The following MAP4K3 variants were observed in gnomAD, a reference collection of about 807,000 sequenced individuals.
The protein encoded by MAP4K3 is mitogen-activated protein kinase kinase kinase kinase 3, also known as MAPK/ERK kinase kinase kinase 3.
In MAP4K3, 94 loss-of-function variants were observed where a neutral mutation model predicts 143.5. The ratio of observed to expected loss-of-function variants is 0.65; its 90% CI spans 0.55 to 0.78. MAP4K3 has a LOEUF of 0.78. Among genes scored for constraint, MAP4K3 ranks in the 30% least tolerant of loss-of-function variants. MAP4K3 has a pLI of 0.00. For missense variants in MAP4K3, 1,077 were observed against 1,068.1 expected, an observed-to-expected ratio of 1.01 and a Z score of -0.12; for synonymous variants, 416 against 347.2, an observed-to-expected ratio of 1.20 and a Z score of -2.20.
intron 15 of MAP4K3, among the ~76,000 whole-genome samples, chr2:39,300,017 A>G (rs2148488692): frequency 6.6e-6 from 1 of 152,244 alleles, no homozygotes; most frequent in East Asian, 1.9e-4. Context: ...TTTTCTGAAT[A>G]ATATATGCAA....
intron 1 of MAP4K3, among the ~76,000 whole-genome samples, chr2:39,414,108 A>G (rs1667303914): frequency 6.6e-6 from 1 of 152,162 alleles, no homozygotes; most frequent in African/African-American, 2.4e-5. Flanking sequence ...CTCTGTCTTG[A>G]TACTTTACAA....
intron 3 of MAP4K3, among the ~76,000 whole-genome samples, chr2:39,351,796 G>A (rs1487878055): frequency 6.6e-6 from 1 of 152,102 alleles, no homozygotes; most frequent in Non-Finnish European, 1.5e-5. Flanking sequence ...AGCCTCCCTA[G>A]TAGCTGGGAC....
chr2:39,391,378 A>AAAAAAG (rs1553423384), intron 1 of MAP4K3, among the ~76,000 whole-genome samples: 2 of 146,920 alleles, frequency 1.4e-5, no homozygotes, highest in African/African-American at 2.6e-5. Flanking sequence ...AAAAAAAAAA[A>AAAAAAG]AAAGAAAGAA....
At chr2:39,351,017 T>TAGCATTTACAC (rs1665442280) in intron 3 of MAP4K3, among the ~76,000 whole-genome samples, 1 of 152,310 alleles carries the variant, frequency 6.6e-6, no homozygotes, top group South Asian at 2.1e-4. Flanking sequence ...ACTATTTACA[T>TAGCATTTACAC]AGCATTTACA....
chr2:39,403,558 G>A (rs1281351308), intron 1 of MAP4K3, among the ~76,000 whole-genome samples: 4 of 152,090 alleles, frequency 2.6e-5, no homozygotes, highest in Admixed American at 2.6e-4. Context: ...TAGCCAGAAG[G>A]GAAGTGCCTG....
rs115529245 is a variant in MAP4K3, at chr2:39,349,339, C to T, written c.246-5887G>A. 3.5e-3 allele frequency among the ~76,000 whole-genome samples: 529 copies of T among 152,228 alleles called. 2 individuals are homozygous for T. Among genetic ancestry groups the T allele is most frequent in the Admixed American group, 7.3e-3 (111 of 15,292 alleles). On this transcript the variant is annotated intron_variant, in intron 3 of 33. Transcript: ENST00000263881. ...TTTATTTATAGGTAACCTATACCAT[C>T]TGCTTTCCCTTTAATAAGGAGGGGT...
intron 33 of MAP4K3, 22 bp from the exon 34 acceptor site, chr2:39,250,727 T>A: frequency 6.3e-7 from 1 of 1,595,684 alleles, no homozygotes. Flanking sequence ...AAAAAACATA[T>A]AACAAAACAA....
intron 8 of MAP4K3, among the ~76,000 whole-genome samples, chr2:39,327,332 T>G (rs1683526871): frequency 6.6e-6 from 1 of 152,204 alleles, no homozygotes; most frequent in Admixed American, 6.5e-5. Flanking sequence ...AAAACAAGTG[T>G]CTACTTTTAA....
intron 14 of MAP4K3, among the ~76,000 whole-genome samples, chr2:39,308,775 A>G (rs1682810835): frequency 6.6e-6 from 1 of 152,142 alleles, no homozygotes; most frequent in African/African-American, 2.4e-5. Context: ...AGAATCATGC[A>G]AAGTATATTC....
At chr2:39,263,481 G>T (rs950406444) in intron 28 of MAP4K3, among the ~76,000 whole-genome samples, 2 of 146,974 alleles carry the variant, frequency 1.4e-5, no homozygotes, top group East Asian at 4.0e-4. Flanking sequence ...GGGTTTCACC[G>T]TGTTAGCCAG....
At position 39,286,932 on chromosome 2, in the gene MAP4K3, C is replaced by G. The variant is rs1316136849; in HGVS notation, c.1507G>C (p.Glu503Gln). 3 of 1,608,404 alleles carry G rather than the reference C, an allele frequency of 1.9e-6. No homozygotes were observed. Among genetic ancestry groups the G allele is most frequent in the South Asian group, 2.2e-5 (2 of 90,016 alleles). ...NGMSSFQLNG[E>Q]RDGSLCQQQN... is the part of the protein sequence containing the mutation. ...TGTTGACATAATGAGCCATCTCGTT[C>G]ACCATTTAACTGGAAGGAGCTCATT... The change falls in exon 21 of 34, where the codon GAA (glutamate) becomes CAA (glutamine). Residue 503 changes from glutamate (E) to glutamine (Q), a missense_variant. By Grantham distance (29) the Glu-to-Gln change is conservative. This residue lies in a region of MAP4K3 where 864 missense variants were observed against 801.2 expected (regional missense o/e 1.08). Coordinates refer to ENST00000263881, the MANE Select transcript of MAP4K3 (RefSeq NM_003618.4).
chr2:39,362,728 C>T (rs1357617508), intron 2 of MAP4K3, among the ~76,000 whole-genome samples: 3 of 152,042 alleles, frequency 2.0e-5, no homozygotes, highest in Admixed American at 2.0e-4. Context: ...ACAAAGAACG[C>T]CAAATAGCCA....
chr2:39,309,324 T>C, intron 14 of MAP4K3, 137 bp downstream of exon 14: 2 of 598,866 alleles, frequency 3.3e-6, no homozygotes, highest in African/African-American at 1.9e-5. Context: ...AGGGTCTTAC[T>C]ATGTTGACCA....
chr2:39,435,699 A>G (rs1395125453), intron 1 of MAP4K3, among the ~76,000 whole-genome samples: 1 of 152,242 alleles, frequency 6.6e-6, no homozygotes, highest in Non-Finnish European at 1.5e-5. Context: ...TTTGGAACCA[A>G]GTCTATCGTT....
intron 2 of MAP4K3, among the ~76,000 whole-genome samples, chr2:39,367,333 G>C (rs1355893983): frequency 2.0e-5 from 3 of 152,110 alleles, no homozygotes; most frequent in Non-Finnish European, 2.9e-5. Context: ...CTTCAGCCCA[G>C]GAGTTTCAGA....
At chr2:39,297,297 T>G (rs1017002322) in intron 16 of MAP4K3, among the ~76,000 whole-genome samples, 2 of 152,032 alleles carry the variant, frequency 1.3e-5, no homozygotes, top group Non-Finnish European at 2.9e-5. Context: ...TTTGTATTTT[T>G]AATAGAGACG....
intron 3 of MAP4K3, among the ~76,000 whole-genome samples, chr2:39,354,684 CAAAA>C (rs1025650222): frequency 2.0e-5 from 3 of 149,960 alleles, no homozygotes; most frequent in African/African-American, 7.4e-5. Flanking sequence ...AAAAAAAAAA[CAAAA>C]AAACTCCCAC....
intron 16 of MAP4K3, among the ~76,000 whole-genome samples, chr2:39,296,363 T>C (rs1018724555): frequency 6.6e-6 from 1 of 152,190 alleles, no homozygotes; most frequent in African/African-American, 2.4e-5. Context: ...TTCACCAAGA[T>C]TGAATGTTAC....
chr2:39,304,694 G>C (rs1300687238), intron 15 of MAP4K3, among the ~76,000 whole-genome samples: 1 of 152,112 alleles, frequency 6.6e-6, no homozygotes, highest in East Asian at 1.9e-4. Context: ...AGAACTACAA[G>C]TCCATTTCTA....
Sources: allele counts gnomAD v4.1 joint callset (sites outside exome capture counted in the v4.1 genomes callset), GRCh38; gene constraint gnomAD v4.1.1; regional missense constraint gnomAD v4.1.1; transcripts MANE v1.5; gene names NCBI Gene and HGNC (gene_info 2026-07-23, HGNC 2026-07-21).